Variants in LRP1B observed in about 807,000 individuals in gnomAD.
The protein encoded by LRP1B is LDL receptor related protein 1B.
Under a neutral mutation model 556.6 loss-of-function variants are expected in LRP1B, and 217 were observed. The ratio of observed to expected loss-of-function variants is 0.39; its 90% CI spans 0.35 to 0.44. The LOEUF (loss-of-function observed/expected upper bound fraction) is 0.44. Ranked by LOEUF, LRP1B falls within the 20% of genes least tolerant of loss-of-function variation. The pLI is 1.00. For synonymous variants in LRP1B, 2,047 were observed against 1,865.8 expected, an observed-to-expected ratio of 1.10 and a Z score of -2.50; for missense variants, 5,053 against 5,620.8, an observed-to-expected ratio of 0.90 and a Z score of 3.23.
chr2:141,906,123 A>G (rs1699753805), intron 1 of LRP1B, among the ~76,000 whole-genome samples: 1 of 151,650 alleles, frequency 6.6e-6, no homozygotes, highest in African/African-American at 2.4e-5. Flanking sequence ...AACTGTATTT[A>G]TTTGAGGCAG....
Position 141,983,577 on chromosome 2 carries a change from T to C in LRP1B, c.82+147071A>G, listed in dbSNP as rs191403651. Among the ~76,000 whole-genome samples the C allele has an allele frequency of 3.9e-3, 588 of 152,278 alleles. 8 individuals are homozygous for C. Among genetic ancestry groups the C allele is most frequent in the African/African-American group, 0.014 (565 of 41,560 alleles). ...AAGTAGAAGTAGTTACTACAATGAA[T>C]GGATAAATAAAATAAGTCATCCTCT... On this transcript the variant is annotated intron_variant, in intron 1 of 90. Coordinates refer to ENST00000389484, the MANE Select transcript of LRP1B (RefSeq NM_018557.3).
intron 11 of LRP1B, among the ~76,000 whole-genome samples, chr2:141,037,096 T>G (rs1040510739): frequency 4.6e-5 from 7 of 151,872 alleles, no homozygotes; most frequent in Non-Finnish European, 1.0e-4. Context: ...GAGAGAAGGA[T>G]AAGAGTGTGG....
chr2:140,705,692 T>TA (rs900653046), intron 37 of LRP1B, among the ~76,000 whole-genome samples: 13 of 56,074 alleles, frequency 2.3e-4, no homozygotes, highest in East Asian at 3.9e-4. Flanking sequence ...GAGATAAATG[T>TA]AAAAAAAAAT....
chr2:140,566,741 TA>T (rs1681140475), intron 43 of LRP1B, among the ~76,000 whole-genome samples: 1 of 152,242 alleles, frequency 6.6e-6, no homozygotes, highest in African/African-American at 2.4e-5. Flanking sequence ...AGAAGTAACA[TA>T]CCTGTGCCTG....
chr2:140,649,966 TAATGAAGCTAATATAACTG>T (rs1559031201), intron 41 of LRP1B, among the ~76,000 whole-genome samples: 1 of 152,176 alleles, frequency 6.6e-6, no homozygotes, highest in Non-Finnish European at 1.5e-5. Context: ...CTATCAACTT[TAATGAAGCTAATATAACTG>T]AAGCACTTGT....
At chr2:140,249,214 T>G (rs1558924975) in intron 86 of LRP1B, among the ~76,000 whole-genome samples, 1 of 151,690 alleles carries the variant, frequency 6.6e-6, no homozygotes, top group East Asian at 1.9e-4. Flanking sequence ...TTAATCATAT[T>G]ATGGTTCTGA....
chr2:140,605,480 C>T (rs1682833330), intron 41 of LRP1B, among the ~76,000 whole-genome samples: 1 of 152,082 alleles, frequency 6.6e-6, no homozygotes, highest in African/African-American at 2.4e-5. Context: ...AAATTCTACC[C>T]TCTGTAAAAA....
At chr2:141,931,640 GT>G in intron 1 of LRP1B, among the ~76,000 whole-genome samples, 1 of 151,962 alleles carries the variant, frequency 6.6e-6, no homozygotes, top group African/African-American at 2.4e-5. Context: ...GAAATTGAGG[GT>G]TTAAAAAATT....
At chr2:141,102,573 G>A (rs992719638) in intron 7 of LRP1B, among the ~76,000 whole-genome samples, 7 of 151,828 alleles carry the variant, frequency 4.6e-5, no homozygotes, top group Non-Finnish European at 8.8e-5. Flanking sequence ...GTGCAAATAC[G>A]GCCAAATGAA....
chr2:141,523,385 C>T (rs1391592829), intron 2 of LRP1B, among the ~76,000 whole-genome samples: 1 of 152,084 alleles, frequency 6.6e-6, no homozygotes. Context: ...CTAGTTATGA[C>T]AGGTAACCTC....
intron 2 of LRP1B, among the ~76,000 whole-genome samples, chr2:141,646,750 T>G (rs1689581364): frequency 6.6e-6 from 1 of 152,172 alleles, no homozygotes; most frequent in Non-Finnish European, 1.5e-5. Flanking sequence ...TGGGGAGGCT[T>G]CACTAATCAG....
At position 142,100,849 on chromosome 2, in the gene LRP1B, T is replaced by G. The variant is rs374888548; in HGVS notation, c.82+29799A>C. On this transcript the variant is annotated intron_variant, in intron 1 of 90. Transcript: ENST00000389484. Reference sequence around the variant, plus strand: ...CTATTTCAAATTTAGCTTTCTTCTTTTAAGGGCTCCTTGTCCCCACACACG... The same window carrying G: ...CTATTTCAAATTTAGCTTTCTTCTTGTAAGGGCTCCTTGTCCCCACACACG... Among the ~76,000 whole-genome samples the G allele has an allele frequency of 3.0e-4, 46 of 152,018 alleles. No individual in the cohort carries two copies. The South Asian group carries it at 9.3e-3, about 31-fold the overall frequency.
chr2:141,819,267 A>C (rs1002062859), intron 1 of LRP1B, among the ~76,000 whole-genome samples: 3 of 152,028 alleles, frequency 2.0e-5, no homozygotes, highest in South Asian at 2.1e-4. Context: ...AAAAAAAAAA[A>C]CAAAAAACTT....
intron 1 of LRP1B, among the ~76,000 whole-genome samples, chr2:142,041,859 C>A (rs1229575346): frequency 4.6e-5 from 7 of 151,472 alleles, no homozygotes. Flanking sequence ...CTTCTCAGCA[C>A]AGTTTTTAAA....
chr2:140,387,487 T>C, intron 66 of LRP1B, among the ~76,000 whole-genome samples: 1 of 152,230 alleles, frequency 6.6e-6, no homozygotes, highest in East Asian at 1.9e-4. Flanking sequence ...ATCTTACAAA[T>C]ATATTAAATG....
At chr2:141,250,089 T>C (rs192029726) in intron 4 of LRP1B, among the ~76,000 whole-genome samples, 1 of 152,134 alleles carries the variant, frequency 6.6e-6, no homozygotes, top group Non-Finnish European at 1.5e-5. Context: ...TGGTATTAAG[T>C]GGGTTAAACT....
At chr2:141,573,617 G>A (rs1216779791) in intron 2 of LRP1B, among the ~76,000 whole-genome samples, 1 of 136,684 alleles carries the variant, frequency 7.3e-6, no homozygotes, top group Non-Finnish European at 1.5e-5. Flanking sequence ...GAAGGATATA[G>A]ATGCACGAAA....
chr2:141,041,528 C>T lies in LRP1B; in HGVS notation c.1789+7458G>A, dbSNP rs75492063. ...CATGACCCCTACTTCCTCCTTTGTC[C>T]TGGCCTCCCCCTTATAAATTTCCTT... On this transcript the variant is annotated intron_variant, in intron 11 of 90. Coordinates refer to ENST00000389484, the MANE Select transcript of LRP1B (RefSeq NM_018557.3). Among the ~76,000 whole-genome samples the T allele has an allele frequency of 2.8e-3, 420 of 152,096 alleles. 2 individuals carry two copies. The highest frequency in any genetic ancestry group is 4.7e-3 in the Non-Finnish European group (319 of 67,982).
chr2:140,245,129 T>C (rs1247930066), intron 87 of LRP1B, among the ~76,000 whole-genome samples: 1 of 151,434 alleles, frequency 6.6e-6, no homozygotes, highest in East Asian at 1.9e-4. Context: ...AATGCATTGA[T>C]AGTTCTATTA....
Sources: allele counts gnomAD v4.1 joint callset (sites outside exome capture counted in the v4.1 genomes callset), GRCh38; gene constraint gnomAD v4.1.1; transcripts MANE v1.5; gene names NCBI Gene and HGNC (gene_info 2026-07-23, HGNC 2026-07-21).